The following PCDHA5 variants were observed in gnomAD, a reference collection of about 807,000 sequenced individuals.
PCDHA5 encodes the protein protocadherin alpha-5.
A neutral mutation model predicts 61.6 loss-of-function variants in PCDHA5; 43 were observed. The ratio of observed to expected loss-of-function variants is 0.70; its 90% confidence interval spans 0.55 to 0.90. The LOEUF is 0.90. PCDHA5 is among the 40% of genes least tolerant of loss of function. PCDHA5 has a pLI of 0.00. For synonymous variants in PCDHA5, 627 were observed against 543.9 expected, an observed-to-expected ratio of 1.15 and a Z score of -2.13; for missense variants, 1,298 against 1,222.7, an observed-to-expected ratio of 1.06 and a Z score of -0.92.
chr5:140,853,773 G>T lies in PCDHA5; in HGVS notation c.2352+29646G>T, dbSNP rs1314625859. The T allele has an allele frequency of 6.1e-6, 6 of 987,764 alleles. No homozygotes were observed. The African/African-American group carries it at 1.1e-4, about 17-fold the overall frequency. 61.2% of individuals were successfully genotyped at this position (987,764 alleles called of 1,614,324 possible). On this transcript the variant is annotated intron_variant, in intron 1 of 3. Transcript: ENST00000529859. ...GGCTCCACCTCAGAAATTCTGAAAT[G>T]GGTAGTAAGAGCAAATTTTCATTTT...
chr5:140,862,807 C>A, intron 1 of PCDHA5: 1 of 572,850 alleles, frequency 1.7e-6, no homozygotes. Flanking sequence ...GGAGCTGCTG[C>A]AGTTCTAGGT....
At chr5:140,992,643 A>C (rs1215653539) in intron 3 of PCDHA5, among the ~76,000 whole-genome samples, 1 of 152,148 alleles carries the variant, frequency 6.6e-6, no homozygotes. Context: ...CCTGGAAAAT[A>C]GAAGAAAGAG....
intron 1 of PCDHA5, chr5:140,829,396 G>C (rs2150167101): frequency 1.9e-6 from 3 of 1,614,054 alleles, no homozygotes; most frequent in Non-Finnish European, 2.5e-6. Flanking sequence ...CGCCTTCGCT[G>C]TGGGCCACCG....
At position 140,879,699 on chromosome 5, in the gene PCDHA5, A is replaced by G. The variant is rs952913043; in HGVS notation, c.2352+55572A>G. Among the ~76,000 whole-genome samples the G allele has an allele frequency of 2.6e-5, 4 of 152,218 alleles. No individual in the cohort carries two copies. In the South Asian group the frequency reaches 8.3e-4, roughly 32 times the overall value. The stretch of plus-strand genomic sequence containing the variant: ...TGCTGTAAAACAGCAAAAGTTTATT[A>G]TTTCTCAGTATTGGAGACCAGAAGT... On this transcript the variant is annotated intron_variant, in intron 1 of 3. Coordinates refer to ENST00000529859, the MANE Select transcript of PCDHA5 (RefSeq NM_018908.3).
intron 3 of PCDHA5, among the ~76,000 whole-genome samples, chr5:141,003,903 G>A (rs150270772): frequency 6.6e-6 from 1 of 152,076 alleles, no homozygotes; most frequent in Non-Finnish European, 1.5e-5. Flanking sequence ...CCATTCATTT[G>A]GGTCTTGACT....
At position 140,857,270 on chromosome 5, in the gene PCDHA5, C is replaced by T. The variant is rs782277671; in HGVS notation, c.2352+33143C>T. On this transcript the variant is annotated intron_variant, in intron 1 of 3. Coordinates refer to ENST00000529859, the MANE Select transcript of PCDHA5 (RefSeq NM_018908.3). ...CTACAAGAATTACTACTCATTGGTG[C>T]TGGACAGCGCTCTGGACCGCGAGAG... 5.0e-6 allele frequency: 8 copies of T among 1,598,754 alleles called. 2 individuals are homozygous for T. The highest frequency in any genetic ancestry group is 4.3e-6 in the Non-Finnish European group (5 of 1,168,052).
At chr5:140,871,774 T>C (rs1164981873) in intron 1 of PCDHA5, among the ~76,000 whole-genome samples, 1 of 152,254 alleles carries the variant, frequency 6.6e-6, no homozygotes, top group African/African-American at 2.4e-5. Context: ...GACTCTTCTG[T>C]AGTCACTTGA....
At chr5:140,989,724 T>C (rs1251385686) in intron 3 of PCDHA5, among the ~76,000 whole-genome samples, 6 of 152,178 alleles carry the variant, frequency 3.9e-5, no homozygotes, top group African/African-American at 1.4e-4. Context: ...AGCTTTGCAG[T>C]TGAAAAGGCC....
chr5:140,968,477 G>T, intron 1 of PCDHA5: 1 of 1,614,112 alleles, frequency 6.2e-7, no homozygotes, highest in Non-Finnish European at 8.5e-7. Flanking sequence ...ATATGTGGTG[G>T]ACATGAATGA....
intron 1 of PCDHA5, among the ~76,000 whole-genome samples, chr5:140,939,903 C>A (rs782506444): frequency 3.9e-4 from 60 of 152,166 alleles, no homozygotes; most frequent in Non-Finnish European, 5.9e-4. Flanking sequence ...ATTCTGCATT[C>A]TTTTTTATTC....
At position 140,942,409 on chromosome 5, in the gene PCDHA5, TA is replaced by T. The variant is rs78736997; in HGVS notation, c.2353-36528del. Among the ~76,000 whole-genome samples, 464 of 143,336 alleles carry T rather than the reference TA, an allele frequency of 3.2e-3. 2 individuals are homozygous for T. Among genetic ancestry groups the T allele is most frequent in the African/African-American group, 7.7e-3 (304 of 39,312 alleles). The allele number at this position is 143,336 out of a possible 152,430, so 94.0% of individuals were successfully genotyped here. Reference sequence around the variant, plus strand: ...CCTGGGCGACAGATGAGACTCTGTTTAAAAAAAAAAAAGATATCTAACAATA... The same window carrying T: ...CCTGGGCGACAGATGAGACTCTGTTTAAAAAAAAAAAGATATCTAACAATA... On this transcript the variant is annotated intron_variant, in intron 1 of 3. Transcript: ENST00000529859.
At chr5:140,927,558 T>C (rs1554204736) in intron 1 of PCDHA5, 1 of 1,614,144 alleles carries the variant, frequency 6.2e-7, no homozygotes, top group East Asian at 2.2e-5. Context: ...TCACCATCAT[T>C]GTGGTGGACA....
chr5:140,946,216 C>T (rs1361042644), intron 1 of PCDHA5, among the ~76,000 whole-genome samples: 1 of 151,868 alleles, frequency 6.6e-6, no homozygotes, highest in Non-Finnish European at 1.5e-5. Flanking sequence ...AAATGACCAA[C>T]AGGTATACTA....
chr5:140,871,103 C>T lies in PCDHA5; in HGVS notation c.2352+46976C>T, dbSNP rs202137231. On this transcript the variant is annotated intron_variant, in intron 1 of 3. Coordinates refer to ENST00000529859, the MANE Select transcript of PCDHA5 (RefSeq NM_018908.3). Reference sequence around the variant, plus strand: ...ACGGCCACGGCCACCGTGCTGGTGTCGTTGGTGGAGAGCGGACAGGCGCCA... The same window carrying T: ...ACGGCCACGGCCACCGTGCTGGTGTTGTTGGTGGAGAGCGGACAGGCGCCA... 4 of 1,613,290 alleles carry T rather than the reference C, an allele frequency of 2.5e-6. No individual in the cohort carries two copies. The Admixed American group carries it at 5.0e-5, about 20-fold the overall frequency.
chr5:140,929,167 T>G (rs781804558), intron 1 of PCDHA5: 2 of 1,614,144 alleles, frequency 1.2e-6, no homozygotes, highest in Non-Finnish European at 1.7e-6. Context: ...CTATCGGGCC[T>G]CTCTGGGACT....
intron 1 of PCDHA5, chr5:140,835,628 C>G (rs1554135129): frequency 1.2e-6 from 2 of 1,613,772 alleles, no homozygotes; most frequent in African/African-American, 1.3e-5. Context: ...CTCTGGACCG[C>G]GAGAGTGTGT....
In PCDHA5 at chr5:141,000,611, A is replaced by T. The variant is rs185617081; in HGVS notation, c.2501-9016A>T. Among the ~76,000 whole-genome samples the T allele has an allele frequency of 4.7e-3, 713 of 150,994 alleles. 3 individuals carry two copies. Among genetic ancestry groups the T allele is most frequent in the Non-Finnish European group, 7.5e-3 (505 of 67,758 alleles). ...CCCAGCTAATTTTTGTATTTTTAGT[A>T]GAGACAGGGTTTCACCATGTTGGGC... On this transcript the variant is annotated intron_variant, in intron 3 of 3. Transcript: ENST00000529859.
chr5:140,966,793 G>A lies in PCDHA5; in HGVS notation c.2353-12156G>A, dbSNP rs1456903567. 4.6e-6 allele frequency: 7 copies of A among 1,532,300 alleles called. No homozygotes were observed. The Admixed American group carries it at 5.8e-5, about 13-fold the overall frequency. The allele number at this position is 1,532,300 out of a possible 1,614,324, so 94.9% of individuals were successfully genotyped here. A position where few individuals can be genotyped will look rare whatever the true frequency, so the allele number is the denominator to read the frequency against. ...TGGAGCAGGCGGGCACCAGACCTGC[G>A]GCGACAGAGCATCCACGGCTCCGGC... On this transcript the variant is annotated intron_variant, in intron 1 of 3. Transcript: ENST00000529859.
intron 1 of PCDHA5, chr5:140,883,514 G>A: frequency 6.2e-7 from 1 of 1,614,220 alleles, no homozygotes; most frequent in Non-Finnish European, 8.5e-7. Context: ...CCTGGACCGC[G>A]AGAGCGTATC....
Sources: allele counts gnomAD v4.1 joint callset (sites outside exome capture counted in the v4.1 genomes callset), GRCh38; gene constraint gnomAD v4.1.1; transcripts MANE v1.5; gene names NCBI Gene and HGNC (gene_info 2026-07-23, HGNC 2026-07-21).